Variants in STIM2 observed in about 807,000 individuals in gnomAD.
The protein encoded by STIM2 is stromal interaction molecule 2.
Under a neutral mutation model 85.8 loss-of-function variants are expected in STIM2, and 31 were observed. The observed-to-expected ratio is 0.36, with a 90% CI of 0.27 to 0.49. STIM2 has a LOEUF of 0.49. Among genes scored for constraint, STIM2 ranks in the 20% least tolerant of loss-of-function variants. The probability of loss-of-function intolerance (pLI) is 0.98; values close to 1 mark genes in which losing one functional copy is unlikely to be tolerated. For synonymous variants in STIM2, 356 were observed against 331.1 expected, an observed-to-expected ratio of 1.08 and a Z score of -0.82; for missense variants, 841 against 927.6, an observed-to-expected ratio of 0.91 and a Z score of 1.21.
chr4:26,935,796 A>G (rs1725370672), intron 2 of STIM2, among the ~76,000 whole-genome samples: 1 of 152,180 alleles, frequency 6.6e-6, no homozygotes, highest in South Asian at 2.1e-4. Context: ...GGTCTTTGAA[A>G]ATATGGTTCA....
At chr4:26,989,539 C>T (rs1560231711) in intron 3 of STIM2, among the ~76,000 whole-genome samples, 1 of 152,168 alleles carries the variant, frequency 6.6e-6, no homozygotes, top group African/African-American at 2.4e-5. Context: ...AAAGCCTTTC[C>T]ACTAAGATCT....
chr4:26,996,421 A>G (rs1042102015), intron 4 of STIM2, among the ~76,000 whole-genome samples: 2 of 152,062 alleles, frequency 1.3e-5, no homozygotes, highest in Admixed American at 1.3e-4. Flanking sequence ...TAATCATTAT[A>G]TGTAATGAAA....
At chr4:27,019,448 G>A (rs1211028728) in intron 11 of STIM2, 2 of 1,289,794 alleles carry the variant, frequency 1.6e-6, no homozygotes, top group Non-Finnish European at 2.0e-6. Flanking sequence ...AACTGGTCTT[G>A]TGTGGTTTCT....
chr4:26,991,561 T>C (rs1482504057), intron 3 of STIM2, among the ~76,000 whole-genome samples: 1 of 152,130 alleles, frequency 6.6e-6, no homozygotes, highest in Non-Finnish European at 1.5e-5. Flanking sequence ...TCCAAATAGC[T>C]GGAAGATAAT....
intron 5 of STIM2, among the ~76,000 whole-genome samples, chr4:26,999,734 A>C (rs575664794): frequency 6.6e-6 from 1 of 152,230 alleles, no homozygotes; most frequent in Non-Finnish European, 1.5e-5. Context: ...AATAGAGCCT[A>C]ACAGTTTTCA....
intron 1 of STIM2, among the ~76,000 whole-genome samples, chr4:26,917,770 G>A (rs57663175): frequency 0.2 from 30,072 of 152,000 alleles, 3,097 homozygotes; most frequent in East Asian, 0.41. Flanking sequence ...CCTTCACTTT[G>A]TTCTTTAGCA....
chr4:26,905,803 A>G (rs781637254), intron 1 of STIM2, among the ~76,000 whole-genome samples: 15 of 152,218 alleles, frequency 9.9e-5, no homozygotes, highest in Non-Finnish European at 2.1e-4. Flanking sequence ...AACAAAACAC[A>G]TACATTAAGA....
intron 1 of STIM2, among the ~76,000 whole-genome samples, chr4:26,894,846 A>G (rs536726008): frequency 1.5e-4 from 23 of 152,344 alleles, no homozygotes; most frequent in African/African-American, 5.5e-4. Context: ...TTGGAACTGC[A>G]CTGGTTCTAT....
In STIM2 at chr4:27,022,790, T is replaced by C. The variant is rs746474550; in HGVS notation, c.2035T>C (p.Cys679Arg). 16 of 1,614,094 alleles carry C rather than the reference T, an allele frequency of 9.9e-6. No homozygotes were observed. The highest frequency in any genetic ancestry group is 1.1e-5 in the Non-Finnish European group (13 of 1,180,056). Residue 679 changes from cysteine to arginine, a missense_variant, in exon 12 of 12, where the codon TGT (cysteine) becomes CGT (arginine). By Grantham distance (180) the Cys-to-Arg change is radical (BLOSUM62 -3). This residue lies in a region of STIM2 where 293 missense variants were observed against 284.5 expected (regional missense o/e 1.03). Coordinates refer to ENST00000467087, the MANE Select transcript of STIM2 (RefSeq NM_020860.4). The stretch of plus-strand genomic sequence containing the variant: ...GTACAATGGCATTTTGGAGAAATCC[T>C]GTAGCATGAACCAGCTTTCCAGTGG...
chr4:26,941,021 A>G (rs934405641), intron 2 of STIM2, among the ~76,000 whole-genome samples: 4 of 152,134 alleles, frequency 2.6e-5, no homozygotes, highest in Admixed American at 2.0e-4. Flanking sequence ...TGGGCTTCTT[A>G]GTTTGACATT....
chr4:26,986,086 A>T (rs1727572566), intron 3 of STIM2, among the ~76,000 whole-genome samples: 1 of 152,154 alleles, frequency 6.6e-6, no homozygotes, highest in Non-Finnish European at 1.5e-5. Context: ...TCCACTACTT[A>T]CTTGGTCTGT....
At chr4:27,019,551 A>T in intron 11 of STIM2, 1 of 1,164,976 alleles carries the variant, frequency 8.6e-7, no homozygotes. Context: ...GCAATGTCAA[A>T]GTTTCATAGC....
At chr4:26,914,635 T>G (rs966236084) in intron 1 of STIM2, among the ~76,000 whole-genome samples, 8 of 152,244 alleles carry the variant, frequency 5.3e-5, no homozygotes, top group African/African-American at 1.9e-4. Flanking sequence ...ATTTGGCTTC[T>G]AATATTTACA....
intron 11 of STIM2, among the ~76,000 whole-genome samples, chr4:27,021,891 G>A (rs143382328): frequency 1.2e-3 from 177 of 152,248 alleles, no homozygotes; most frequent in African/African-American, 4.1e-3. Context: ...TGGAGAAAAG[G>A]AGGAAAACAT....
At chr4:26,890,823 CAAA>C (rs60092225) in intron 1 of STIM2, among the ~76,000 whole-genome samples, 6 of 51,044 alleles carry the variant, frequency 1.2e-4, no homozygotes, top group Admixed American at 2.1e-4. Context: ...GACTCCGTCT[CAAA>C]AAAAAAAAAA....
intron 2 of STIM2, among the ~76,000 whole-genome samples, chr4:26,939,420 G>GC (rs1240547298): frequency 3.9e-5 from 6 of 152,090 alleles, no homozygotes; most frequent in Non-Finnish European, 7.4e-5. Flanking sequence ...TTGATGACAT[G>GC]CTTTGTACCA....
intron 2 of STIM2, among the ~76,000 whole-genome samples, chr4:26,921,941 A>G (rs1216003959): frequency 1.3e-5 from 2 of 152,100 alleles, no homozygotes; most frequent in Non-Finnish European, 2.9e-5. Context: ...TACCAAAATC[A>G]TTACTTTCGA....
chr4:27,006,777 A>C (rs1255577005), intron 7 of STIM2, among the ~76,000 whole-genome samples: 1 of 152,204 alleles, frequency 6.6e-6, no homozygotes, highest in East Asian at 1.9e-4. Context: ...ACTGAAGACT[A>C]TGCATAGTTT....
intron 1 of STIM2, among the ~76,000 whole-genome samples, chr4:26,897,265 G>T (rs2109049313): frequency 6.6e-6 from 1 of 152,208 alleles, no homozygotes; most frequent in Non-Finnish European, 1.5e-5. Flanking sequence ...GAGAGAGAGA[G>T]TTTCTCTGCA....
Sources: allele counts gnomAD v4.1 joint callset (sites outside exome capture counted in the v4.1 genomes callset), GRCh38; gene constraint gnomAD v4.1.1; regional missense constraint gnomAD v4.1.1; transcripts MANE v1.5; gene names NCBI Gene and HGNC (gene_info 2026-07-23, HGNC 2026-07-21).